NRXN3: variants seen among roughly 807,000 people sequenced by gnomAD.
NRXN3 encodes neurexin 3.
A neutral mutation model predicts 137.6 loss-of-function variants in NRXN3; 32 were observed. The observed-to-expected ratio is 0.23, with a 90% CI of 0.18 to 0.31. NRXN3 has a LOEUF of 0.31. NRXN3 is among the 10% of genes least tolerant of loss of function. The pLI is 1.00. For missense variants in NRXN3, 1,574 were observed against 2,062.5 expected, an observed-to-expected ratio of 0.76 and a Z score of 4.59; for synonymous variants, 798 against 784.5, an observed-to-expected ratio of 1.02 and a Z score of -0.29.
intron 15 of NRXN3, among the ~76,000 whole-genome samples, chr14:79,321,012 C>T (rs1222740437): frequency 1.3e-5 from 2 of 152,150 alleles, no homozygotes; most frequent in Admixed American, 1.3e-4. Context: ...CAAACTATCA[C>T]ATCTGAGCGA....
intron 1 of NRXN3, among the ~76,000 whole-genome samples, chr14:78,223,822 T>C (rs2064142317): frequency 6.6e-6 from 1 of 152,152 alleles, no homozygotes; most frequent in Non-Finnish European, 1.5e-5. Context: ...CAAGGTAAGG[T>C]ATGGAGTCTA....
At chr14:79,683,679 G>A (rs1022476165) in intron 17 of NRXN3, among the ~76,000 whole-genome samples, 43 of 152,200 alleles carry the variant, frequency 2.8e-4, no homozygotes, top group African/African-American at 9.4e-4. Context: ...TATGAACTAC[G>A]GCTGCAGTCA....
At chr14:79,144,395 G>A (rs1387128813) in intron 15 of NRXN3, among the ~76,000 whole-genome samples, 1 of 152,174 alleles carries the variant, frequency 6.6e-6, no homozygotes, top group Non-Finnish European at 1.5e-5. Context: ...TGTCTCCTGA[G>A]ATTGGAATGG....
At chr14:79,485,506 C>T (rs192598065) in intron 16 of NRXN3, among the ~76,000 whole-genome samples, 2 of 152,260 alleles carry the variant, frequency 1.3e-5, no homozygotes, top group African/African-American at 4.8e-5. Flanking sequence ...CCCCTGGAGT[C>T]ACTGCTTTGG....
In NRXN3 at chr14:79,499,290, C is replaced by G. The variant is rs970818873; in HGVS notation, c.3444+31888C>G. ...CACCCTGGGCTGTTTGTCAAACATG[C>G]CTGGTTTGTTCTAGCTTTGAGCTTT... is the stretch of plus-strand genomic sequence containing the variant. On this transcript the variant is annotated intron_variant, in intron 16 of 20. Coordinates refer to ENST00000335750, the MANE Select transcript of NRXN3 (RefSeq NM_001330195.2). Among the ~76,000 whole-genome samples, 2 of 152,172 alleles carry G rather than the reference C, an allele frequency of 1.3e-5. 1 individual carries two copies. The highest frequency in any genetic ancestry group is 4.8e-5 in the African/African-American group (2 of 41,436).
intron 6 of NRXN3, among the ~76,000 whole-genome samples, chr14:78,677,519 T>C (rs912653890): frequency 1.3e-5 from 2 of 152,136 alleles, no homozygotes; most frequent in Non-Finnish European, 2.9e-5. Context: ...TTGCTTCTTA[T>C]GGATTTGCAA....
chr14:79,038,653 T>A (rs11627905), intron 15 of NRXN3, among the ~76,000 whole-genome samples: 1 of 151,972 alleles, frequency 6.6e-6, no homozygotes, highest in African/African-American at 2.4e-5. Context: ...TTGTTGGGCA[T>A]GAATGACTGG....
chr14:78,947,356 A>T (rs2099367551), intron 10 of NRXN3, among the ~76,000 whole-genome samples: 1 of 152,182 alleles, frequency 6.6e-6, no homozygotes, highest in South Asian at 2.1e-4. Context: ...ATGGAGGTTG[A>T]TCTGAAAATA....
At chr14:79,572,518 C>T (rs1602295456) in intron 16 of NRXN3, among the ~76,000 whole-genome samples, 2 of 152,150 alleles carry the variant, frequency 1.3e-5, no homozygotes, top group African/African-American at 2.4e-5. Context: ...TTCACAGCAT[C>T]GTGCTCTTTT....
intron 15 of NRXN3, among the ~76,000 whole-genome samples, chr14:79,463,018 A>T (rs1298096241): frequency 6.6e-6 from 1 of 152,124 alleles, no homozygotes; most frequent in Non-Finnish European, 1.5e-5. Context: ...ATTTGGCTAT[A>T]AGACTGGAAA....
chr14:78,561,000 G>A (rs1255774272), intron 4 of NRXN3, among the ~76,000 whole-genome samples: 1 of 152,166 alleles, frequency 6.6e-6, no homozygotes, highest in Non-Finnish European at 1.5e-5. Flanking sequence ...TTATGCTGCA[G>A]TAATACATTA....
At position 78,786,215 on chromosome 14, in the gene NRXN3, T is replaced by C. The variant is rs534906259; in HGVS notation, c.2045-17405T>C. ...ATGTACTCAGAAACTACATGTTGAA[T>C]AAATAAGCTCAACTATTGACATATT... On this transcript the variant is annotated intron_variant, in intron 8 of 20. Coordinates refer to ENST00000335750, the MANE Select transcript of NRXN3 (RefSeq NM_001330195.2). 2.6e-5 allele frequency among the ~76,000 whole-genome samples: 4 copies of C among 152,308 alleles called. No homozygotes were observed. In the East Asian group the frequency reaches 7.7e-4, roughly 29 times the overall value.
chr14:78,340,940 AG>A (rs2082079127), intron 4 of NRXN3, among the ~76,000 whole-genome samples: 1 of 152,230 alleles, frequency 6.6e-6, no homozygotes, highest in South Asian at 2.1e-4. Context: ...TCCCTTTGGT[AG>A]GGTTGCATTA....
intron 15 of NRXN3, among the ~76,000 whole-genome samples, chr14:79,358,912 G>C (rs1420608768): frequency 6.6e-6 from 1 of 152,162 alleles, no homozygotes; most frequent in East Asian, 1.9e-4. Context: ...ATCAACTAGG[G>C]CAAAGGGGAA....
chr14:78,192,886 T>A (rs1478865303), intron 1 of NRXN3, among the ~76,000 whole-genome samples: 2 of 152,170 alleles, frequency 1.3e-5, no homozygotes, highest in Non-Finnish European at 2.9e-5. Flanking sequence ...ACTTTCAATT[T>A]CTTCTCAACC....
chr14:78,389,357 A>G (rs1218515323), intron 4 of NRXN3, among the ~76,000 whole-genome samples: 2 of 152,128 alleles, frequency 1.3e-5, no homozygotes, highest in Non-Finnish European at 2.9e-5. Flanking sequence ...TGCCAGGCCT[A>G]AGGTTCTTGA....
At chr14:79,198,726 G>C (rs1419699995) in intron 15 of NRXN3, among the ~76,000 whole-genome samples, 1 of 152,186 alleles carries the variant, frequency 6.6e-6, no homozygotes, top group Non-Finnish European at 1.5e-5. Flanking sequence ...CAGTGAAGCT[G>C]TTAGCTGGTT....
Position 79,864,714 on chromosome 14 carries a change from G to A in NRXN3, c.*2750G>A, listed in dbSNP as rs760560807. ...TCTAGAAAAGATTATTGGATACTAT[G>A]GTTTTGTTTGTTTGTTTTTGTTTTT... On this transcript the variant is annotated 3_prime_UTR_variant, in exon 21 of 21. Transcript: ENST00000335750. The A allele has an allele frequency of 1.3e-5, 2 of 151,984 alleles. No individual in the cohort carries two copies. Among genetic ancestry groups the A allele is most frequent in the Non-Finnish European group, 2.9e-5 (2 of 68,012 alleles). 9.4% of individuals were successfully genotyped at this position (151,984 alleles called of 1,614,324 possible). A position where few individuals can be genotyped will look rare whatever the true frequency, so the allele number is the denominator to read the frequency against.
intron 15 of NRXN3, among the ~76,000 whole-genome samples, chr14:79,059,029 C>T (rs536880886): frequency 5.3e-5 from 8 of 152,104 alleles, no homozygotes; most frequent in African/African-American, 1.9e-4. Context: ...TGAAAATGAA[C>T]TAATACAGTA....
Sources: allele counts gnomAD v4.1 joint callset (sites outside exome capture counted in the v4.1 genomes callset), GRCh38; gene constraint gnomAD v4.1.1; transcripts MANE v1.5; gene names NCBI Gene and HGNC (gene_info 2026-07-23, HGNC 2026-07-21).